Variants in KCNIP1 observed in about 807,000 individuals in gnomAD.
KCNIP1 encodes potassium voltage-gated channel interacting protein 1.
KCNIP1 carries 18 observed loss-of-function variants against 33.0 expected under a neutral mutation model. That is an observed-to-expected ratio of 0.55 (90% CI 0.38 to 0.81). The LOEUF (loss-of-function observed/expected upper bound fraction) is 0.81. Among genes scored for constraint, KCNIP1 ranks in the 30% least tolerant of loss-of-function variants. KCNIP1 has a pLI of 0.00. For synonymous variants in KCNIP1, 93 were observed against 98.3 expected (o/e 0.95, Z 0.32); for missense variants, 238 against 271.6 (o/e 0.88, Z 0.87).
intron 1 of KCNIP1, among the ~76,000 whole-genome samples, chr5:170,486,693 G>T (rs1023488980): frequency 1.3e-5 from 2 of 152,150 alleles, no homozygotes; most frequent in African/African-American, 4.8e-5. Flanking sequence ...TCAGTTTCTG[G>T]TTTTTGCAAT....
chr5:170,604,894 C>T (rs1300725458), intron 1 of KCNIP1, among the ~76,000 whole-genome samples: 1 of 152,194 alleles, frequency 6.6e-6, no homozygotes, highest in African/African-American at 2.4e-5. Flanking sequence ...CAACCTTCAA[C>T]AAAAAAGAGG....
At chr5:170,694,358 C>A (rs1006295018) in intron 1 of KCNIP1, among the ~76,000 whole-genome samples, 1 of 152,052 alleles carries the variant, frequency 6.6e-6, no homozygotes, top group Non-Finnish European at 1.5e-5. Flanking sequence ...ACATTATGGG[C>A]AAGTGTTTTT....
chr5:170,508,224 G>T (rs1267320155), intron 1 of KCNIP1, among the ~76,000 whole-genome samples: 2 of 152,212 alleles, frequency 1.3e-5, no homozygotes, highest in Non-Finnish European at 2.9e-5. Flanking sequence ...TTCTGAAAGG[G>T]CTGAGCTTCG....
intron 1 of KCNIP1, among the ~76,000 whole-genome samples, chr5:170,668,491 A>G (rs1454769904): frequency 1.3e-5 from 2 of 152,184 alleles, no homozygotes; most frequent in African/African-American, 4.8e-5. Context: ...TTCCAGCACC[A>G]TGTCAGCCCT....
chr5:170,683,760 A>G (rs1431097139), intron 1 of KCNIP1, among the ~76,000 whole-genome samples: 2 of 149,408 alleles, frequency 1.3e-5, no homozygotes, highest in East Asian at 2.0e-4. Flanking sequence ...ATCTCACTCT[A>G]TCACCCAAGC....
At chr5:170,694,528 C>T (rs1315754021) in intron 1 of KCNIP1, among the ~76,000 whole-genome samples, 1 of 152,156 alleles carries the variant, frequency 6.6e-6, no homozygotes, top group Non-Finnish European at 1.5e-5. Context: ...CATCCCTGAT[C>T]AGATGGAAGC....
intron 1 of KCNIP1, among the ~76,000 whole-genome samples, chr5:170,507,933 A>G (rs534431088): frequency 6.6e-6 from 1 of 152,288 alleles, no homozygotes; most frequent in East Asian, 1.9e-4. Context: ...CCAGTCCCAG[A>G]TAGAATTTCT....
At chr5:170,562,968 A>C (rs1427250900) in intron 1 of KCNIP1, among the ~76,000 whole-genome samples, 1 of 152,196 alleles carries the variant, frequency 6.6e-6, no homozygotes, top group Non-Finnish European at 1.5e-5. Flanking sequence ...GGCCTGAGCT[A>C]CTGAGTTTGT....
chr5:170,426,376 T>G (rs918758306), intron 1 of KCNIP1, among the ~76,000 whole-genome samples: 2 of 152,218 alleles, frequency 1.3e-5, no homozygotes, highest in African/African-American at 4.8e-5. Flanking sequence ...TCCTCTTTGT[T>G]TCATTTTCCA....
intron 1 of KCNIP1, among the ~76,000 whole-genome samples, chr5:170,405,352 C>A (rs1755008377): frequency 1.3e-5 from 2 of 152,052 alleles, no homozygotes; most frequent in Admixed American, 6.5e-5. Flanking sequence ...CACCACCATG[C>A]CCAGTTAATT....
At chr5:170,469,352 G>A (rs1389832693) in intron 1 of KCNIP1, among the ~76,000 whole-genome samples, 2 of 152,118 alleles carry the variant, frequency 1.3e-5, no homozygotes, top group Admixed American at 6.6e-5. Context: ...CCATGATCAC[G>A]CCCTGCACTC....
rs1025548532 is a variant in KCNIP1 at position 170,735,993 on chromosome 5, C to T, written c.*187C>T. The T allele has an allele frequency of 5.2e-6, 3 of 571,544 alleles. No individual in the cohort carries two copies. The highest frequency in any genetic ancestry group is 1.9e-5 in the African/African-American group (1 of 53,542). The allele number at this position is 571,544 out of a possible 1,614,324, so 35.4% of individuals were successfully genotyped here. A position where few individuals can be genotyped will look rare whatever the true frequency, so the allele number is the denominator to read the frequency against. On this transcript the variant is annotated 3_prime_UTR_variant, in exon 8 of 8. Coordinates refer to ENST00000328939, the MANE Select transcript of KCNIP1 (RefSeq NM_014592.4). ...CATCATGTGGCTCAGTCTCTGATTG[C>T]CAACTCTTCCTCTTTCTTCTTCTTG...
intron 1 of KCNIP1, among the ~76,000 whole-genome samples, chr5:170,589,748 G>GTGTGATGTGA (rs1561703630): frequency 9.3e-4 from 108 of 115,924 alleles, no homozygotes; most frequent in Non-Finnish European, 1.5e-3. Flanking sequence ...GTGTGGTGTG[G>GTGTGATGTGA]TGTGGTGTGG....
chr5:170,536,656 C>G (rs1755995684), intron 1 of KCNIP1, among the ~76,000 whole-genome samples: 1 of 152,208 alleles, frequency 6.6e-6, no homozygotes, highest in African/African-American at 2.4e-5. Flanking sequence ...CCCCCACACA[C>G]CTGCAGAGAC....
At chr5:170,513,431 C>G (rs754362620) in intron 1 of KCNIP1, among the ~76,000 whole-genome samples, 10 of 151,234 alleles carry the variant, frequency 6.6e-5, no homozygotes, top group Non-Finnish European at 1.3e-4. Context: ...TTCTTTCTCT[C>G]TCTTTCTTTT....
intron 1 of KCNIP1, among the ~76,000 whole-genome samples, chr5:170,610,442 G>A (rs899407059): frequency 6.6e-6 from 1 of 152,162 alleles, no homozygotes; most frequent in African/African-American, 2.4e-5. Context: ...GAGGCACCAA[G>A]CTATGTCACC....
chr5:170,613,352 C>T (rs1561718045), intron 1 of KCNIP1, among the ~76,000 whole-genome samples: 1 of 152,136 alleles, frequency 6.6e-6, no homozygotes, highest in South Asian at 2.1e-4. Context: ...AATAATTAGA[C>T]AAAACATTAA....
Position 170,533,263 on chromosome 5 carries a change from C to A in KCNIP1, c.61+28630C>A, listed in dbSNP as rs144059590. On this transcript the variant is annotated intron_variant, in intron 1 of 7. Coordinates refer to ENST00000328939, the MANE Select transcript of KCNIP1 (RefSeq NM_014592.4). ...GACAGAGAGCTCACAGAGGGGCACC[C>A]CAGCACCTCCCTCACCTCTATATTC... 4.7e-3 allele frequency among the ~76,000 whole-genome samples: 716 copies of A among 152,214 alleles called. 1 individual carries two copies. The highest frequency in any genetic ancestry group is 7.1e-3 in the Non-Finnish European group (484 of 67,996).
At chr5:170,464,544 C>T (rs1467763141) in intron 1 of KCNIP1, among the ~76,000 whole-genome samples, 1 of 152,158 alleles carries the variant, frequency 6.6e-6, no homozygotes, top group East Asian at 1.9e-4. Context: ...TAATATTTAT[C>T]ATCTCAAAAC....
Sources: allele counts gnomAD v4.1 joint callset (sites outside exome capture counted in the v4.1 genomes callset), GRCh38; gene constraint gnomAD v4.1.1; transcripts MANE v1.5; gene names NCBI Gene and HGNC (gene_info 2026-07-23, HGNC 2026-07-21).